The following ASTN2 variants were observed in gnomAD, a reference collection of about 807,000 sequenced individuals.
ASTN2 encodes the protein astrotactin 2.
In ASTN2, 54 loss-of-function variants were observed where a neutral mutation model predicts 139.8. The ratio of observed to expected loss-of-function variants is 0.39; its 90% CI spans 0.31 to 0.48. ASTN2 has a LOEUF of 0.48. ASTN2 is among the 20% of genes least tolerant of loss of function. ASTN2 has a pLI of 0.95. For synonymous variants in ASTN2, 756 were observed against 719.5 expected (o/e 1.05, Z -0.81); for missense variants, 1,565 against 1,725.1 (o/e 0.91, Z 1.64).
intron 2 of ASTN2, among the ~76,000 whole-genome samples, chr9:117,255,059 T>TGTTTCATAATCATAA (rs1833647755): frequency 6.6e-6 from 1 of 152,196 alleles, no homozygotes; most frequent in Non-Finnish European, 1.5e-5. Flanking sequence ...ATAATCACAG[T>TGTTTCATAATCATAA]TCTTCTGGCT....
In ASTN2 at chr9:116,686,751, T is replaced by C. The variant is rs573190873; in HGVS notation, c.2807-34958A>G. The C allele has an allele frequency of 1.0e-4, 159 of 1,550,656 alleles. 1 individual carries two copies. The South Asian group carries it at 1.7e-3, about 17-fold the overall frequency. On this transcript the variant is annotated intron_variant, in intron 16 of 22. Transcript: ENST00000313400. ...GTGTACTCCCCAAGTCTGCCTCTGCTGTCGGCCTCCCAGCTGAGTAGGCAA... is the reference window on the plus strand; with the variant it reads ...GTGTACTCCCCAAGTCTGCCTCTGCCGTCGGCCTCCCAGCTGAGTAGGCAA...
chr9:117,409,555 G>T (rs534476541), intron 1 of ASTN2, among the ~76,000 whole-genome samples: 1 of 152,298 alleles, frequency 6.6e-6, no homozygotes, highest in African/African-American at 2.4e-5. Flanking sequence ...GTAGGGCTCA[G>T]CTCTATCCTC....
intron 3 of ASTN2, 151 bp downstream of exon 3, chr9:117,214,207 C>T (rs1321508346): frequency 1.0e-6 from 1 of 961,386 alleles, no homozygotes; most frequent in East Asian, 2.4e-5. Context: ...AGAAGACAAA[C>T]TTGATAACCC....
chr9:117,241,867 T>A (rs1407390354), intron 2 of ASTN2, among the ~76,000 whole-genome samples: 1 of 151,864 alleles, frequency 6.6e-6, no homozygotes, highest in African/African-American at 2.4e-5. Context: ...TATCTGCTAC[T>A]GAAATTCAGC....
intron 3 of ASTN2, chr9:117,180,699 C>G (rs1485681574): frequency 1.3e-6 from 2 of 1,588,664 alleles, no homozygotes; most frequent in African/African-American, 1.4e-5. Context: ...ACAGTGGAAG[C>G]CCTCATGAGT....
At chr9:116,893,453 G>A (rs191138979) in intron 10 of ASTN2, among the ~76,000 whole-genome samples, 6 of 152,262 alleles carry the variant, frequency 3.9e-5, no homozygotes, top group Middle Eastern at 3.4e-3. Context: ...AAGCAGGAGA[G>A]ATCTAGGAGT....
intron 16 of ASTN2, among the ~76,000 whole-genome samples, chr9:116,657,713 C>T (rs371920757): frequency 3.3e-5 from 5 of 152,290 alleles, no homozygotes; most frequent in South Asian, 4.1e-4. Flanking sequence ...TGTTGGCACA[C>T]GCCTGTAATC....
At chr9:116,586,031 A>G (rs972593027) in intron 19 of ASTN2, 1 of 152,232 alleles carries the variant, frequency 6.6e-6, no homozygotes, top group Non-Finnish European at 1.5e-5. Context: ...CAAGCAGCCA[A>G]TAAACATGAA....
At chr9:117,004,156 G>T (rs1231721306) in intron 7 of ASTN2, among the ~76,000 whole-genome samples, 1 of 152,022 alleles carries the variant, frequency 6.6e-6, no homozygotes, top group Non-Finnish European at 1.5e-5. Context: ...GTCTCACTCT[G>T]TTGCTCAGGC....
At chr9:116,615,282 G>A (rs1301091262) in intron 19 of ASTN2, among the ~76,000 whole-genome samples, 5 of 152,190 alleles carry the variant, frequency 3.3e-5, no homozygotes, top group East Asian at 3.9e-4. Flanking sequence ...TGGTGGGAAC[G>A]TAAACTAGTT....
chr9:116,470,323 C>T (rs2119005934), intron 20 of ASTN2, among the ~76,000 whole-genome samples: 1 of 152,210 alleles, frequency 6.6e-6, no homozygotes, highest in African/African-American at 2.4e-5. Context: ...GGGAAGAGCG[C>T]ATGCTGTGGT....
chr9:117,072,533 A>G (rs761318395), intron 5 of ASTN2, among the ~76,000 whole-genome samples: 11 of 152,184 alleles, frequency 7.2e-5, no homozygotes, highest in Non-Finnish European at 1.3e-4. Context: ...AGAAGAATGA[A>G]TCAAGGATAG....
intron 6 of ASTN2, among the ~76,000 whole-genome samples, chr9:117,018,507 T>C (rs1837780957): frequency 6.6e-6 from 1 of 152,144 alleles, no homozygotes; most frequent in African/African-American, 2.4e-5. Context: ...CCTGCTTGTG[T>C]CTCTTGTGTC....
At chr9:116,800,540 T>G (rs1444761036) in intron 13 of ASTN2, among the ~76,000 whole-genome samples, 1 of 152,084 alleles carries the variant, frequency 6.6e-6, no homozygotes, top group Non-Finnish European at 1.5e-5. Context: ...TTGCCTAAGA[T>G]CCCTCCTTAG....
intron 19 of ASTN2, among the ~76,000 whole-genome samples, chr9:116,598,793 G>A (rs1854717469): frequency 6.6e-6 from 1 of 152,194 alleles, no homozygotes. Flanking sequence ...AATTCATACA[G>A]TTGAACTAGG....
At chr9:116,900,035 C>T (rs981988940) in intron 10 of ASTN2, among the ~76,000 whole-genome samples, 1 of 152,172 alleles carries the variant, frequency 6.6e-6, no homozygotes, top group African/African-American at 2.4e-5. Context: ...GGCCCCTGCT[C>T]GTCAAACTAT....
chr9:117,289,980 G>T (rs770489222), intron 2 of ASTN2, among the ~76,000 whole-genome samples: 2 of 152,190 alleles, frequency 1.3e-5, no homozygotes, highest in Admixed American at 6.5e-5. Context: ...AATGTCTAAT[G>T]CACAGTGTTC....
chr9:116,805,887 A>AT, intron 12 of ASTN2, 67 bp from the exon 13 acceptor site: 2 of 1,504,218 alleles, frequency 1.3e-6, no homozygotes, highest in Non-Finnish European at 9.1e-7. Context: ...GGTGACCTAA[A>AT]ACCAAGGCCT....
At chr9:117,172,651 G>A (rs538728140) in intron 3 of ASTN2, among the ~76,000 whole-genome samples, 4 of 152,224 alleles carry the variant, frequency 2.6e-5, no homozygotes, top group East Asian at 1.9e-4. Context: ...GAATGGTCAC[G>A]TGGCTTGTGA....
Sources: allele counts gnomAD v4.1 joint callset (sites outside exome capture counted in the v4.1 genomes callset), GRCh38; gene constraint gnomAD v4.1.1; transcripts MANE v1.5; gene names NCBI Gene and HGNC (gene_info 2026-07-23, HGNC 2026-07-21).